Variants in MCM6 observed in about 807,000 individuals in gnomAD.
MCM6 encodes minichromosome maintenance complex component 6.
MCM6 carries 46 observed loss-of-function variants against 94.3 expected under a neutral mutation model. The ratio of observed to expected loss-of-function variants is 0.49; its 90% CI spans 0.39 to 0.62. MCM6 has a LOEUF of 0.62. Ranked by LOEUF, MCM6 falls within the 20% of genes least tolerant of loss-of-function variation. MCM6 has a pLI of 0.00. For missense variants in MCM6, 865 were observed against 1,017.9 expected, an observed-to-expected ratio of 0.85 and a Z score of 2.04; for synonymous variants, 335 against 351.9, an observed-to-expected ratio of 0.95 and a Z score of 0.54.
At chr2:135,850,219 GTCC>G (rs1259676496) in intron 13 of MCM6, among the ~76,000 whole-genome samples, 5 of 152,068 alleles carry the variant, frequency 3.3e-5, no homozygotes, top group African/African-American at 1.2e-4. Context: ...ACCTCCCTGA[GTCC>G]TCCTCCTTCT....
intron 8 of MCM6, among the ~76,000 whole-genome samples, chr2:135,860,824 C>T (rs1011048429): frequency 2.6e-5 from 4 of 152,156 alleles, no homozygotes; most frequent in African/African-American, 9.7e-5. Flanking sequence ...AGGAATAAGA[C>T]ATGGATGTCT....
chr2:135,854,529 CAAAAAAA>C lies in MCM6; in HGVS notation c.1627-1621_1627-1615del, dbSNP rs1181597035. Among the ~76,000 whole-genome samples, 47 of 49,974 alleles carry C rather than the reference CAAAAAAA, an allele frequency of 9.4e-4. 1 individual carries two copies. In the East Asian group the frequency reaches 0.012, roughly 13 times the overall value. The allele number at this position is 49,974 out of a possible 152,430, so 32.8% of individuals were successfully genotyped here. Reference sequence around the variant, plus strand: ...TGGGTAACAGAGCGAGACTCCATCTCAAAAAAAAAAAAAAAAAAAAAAGAGAAAAAGA... The same window carrying C: ...TGGGTAACAGAGCGAGACTCCATCTCAAAAAAAAAAAAAAAGAGAAAAAGA... On this transcript the variant is annotated intron_variant, in intron 11 of 16. Coordinates refer to ENST00000264156, the MANE Select transcript of MCM6 (RefSeq NM_005915.6).
chr2:135,846,247 C>T lies in MCM6; in HGVS notation c.2199G>A (p.Lys733=). Residue 733 remains lysine, a synonymous_variant, in exon 15 of 17, where the codon AAG becomes AAA. Transcript: ENST00000264156. ...ISNLIVLHLR[K]VEEEEDESAL... ...CCAGGTAAGCCTCACCTTCTTCCAC[C>T]TTTCTGAGGTGAAGCACAATAAGGT... is the stretch of plus-strand genomic sequence containing the variant. 6.2e-7 allele frequency: 1 copy of T among 1,613,996 alleles called. No homozygotes were observed. Among genetic ancestry groups the T allele is most frequent in the Non-Finnish European group, 8.5e-7 (1 of 1,179,944 alleles).
chr2:135,872,864 A>G, intron 1 of MCM6, 21 bp from the exon 2 acceptor site: 1 of 1,613,204 alleles, frequency 6.2e-7, no homozygotes, highest in Non-Finnish European at 8.5e-7. Context: ...ATTCGAGTCA[A>G]CTAGATTAAG....
chr2:135,866,424 T>C (rs1680096248), intron 5 of MCM6, 139 bp downstream of exon 5: 2 of 1,386,938 alleles, frequency 1.4e-6, no homozygotes, highest in South Asian at 1.4e-5. Context: ...GCAAAACCAA[T>C]TTGTTTTTAT....
intron 14 of MCM6, among the ~76,000 whole-genome samples, chr2:135,846,964 A>G (rs1679682711): frequency 6.6e-6 from 1 of 152,130 alleles, no homozygotes; most frequent in African/African-American, 2.4e-5. Context: ...AGATTGCACC[A>G]TTGTACTCCA....
chr2:135,843,096 C>T (rs569772518), intron 16 of MCM6, among the ~76,000 whole-genome samples: 1 of 152,246 alleles, frequency 6.6e-6, no homozygotes, highest in South Asian at 2.1e-4. Flanking sequence ...AAAATATACA[C>T]ACACTGAAGC....
In MCM6 at chr2:135,846,259, A is replaced by C; in HGVS notation, c.2187T>G (p.Leu729=). Residue 729 remains leucine (L), a synonymous_variant, in exon 15 of 17, where the codon CTT becomes CTG. Coordinates refer to ENST00000264156, the MANE Select transcript of MCM6 (RefSeq NM_005915.6). ...CACCTTCTTCCACCTTTCTGAGGTG[A>C]AGCACAATAAGGTTAGAGATTCGGC... ...EYCRISNLIV[L]HLRKVEEEED... 1 of 1,614,108 alleles carries C rather than the reference A, an allele frequency of 6.2e-7. No homozygotes were observed. Among genetic ancestry groups the C allele is most frequent in the Non-Finnish European group, 8.5e-7 (1 of 1,179,980 alleles).
intron 8 of MCM6, among the ~76,000 whole-genome samples, chr2:135,860,379 C>A (rs1310333829): frequency 6.6e-6 from 1 of 152,070 alleles, no homozygotes; most frequent in Non-Finnish European, 1.5e-5. Flanking sequence ...CATGATCCAC[C>A]CACCTCAGCC....
rs912462935 is a variant in MCM6 at position 135,840,203 on chromosome 2, A to G, written c.*632T>C. On this transcript the variant is annotated 3_prime_UTR_variant, in exon 17 of 17. Coordinates refer to ENST00000264156, the MANE Select transcript of MCM6 (RefSeq NM_005915.6). ...TACTAAAGAGTAATTTTAAAAAAGT[A>G]TAATAAACTTTTATAAACTTAAAAA... is the stretch of plus-strand genomic sequence containing the variant. 1 of 147,226 alleles carries G rather than the reference A, an allele frequency of 6.8e-6. No homozygotes were observed. Among genetic ancestry groups the G allele is most frequent in the Non-Finnish European group, 1.5e-5 (1 of 67,758 alleles). 9.1% of individuals were successfully genotyped at this position (147,226 alleles called of 1,614,324 possible).
At chr2:135,860,356 G>A (rs1420429094) in intron 8 of MCM6, among the ~76,000 whole-genome samples, 1 of 151,056 alleles carries the variant, frequency 6.6e-6, no homozygotes, top group Non-Finnish European at 1.5e-5. Context: ...GGACGGTCTC[G>A]ATCTCCTGAC....
chr2:135,853,689 G>A (rs1679816949), intron 11 of MCM6, among the ~76,000 whole-genome samples: 1 of 151,314 alleles, frequency 6.6e-6, no homozygotes, highest in Admixed American at 6.6e-5. Context: ...CAGAGACTGT[G>A]CTCTTAGCCA....
At chr2:135,844,321 A>G (rs1162037574) in intron 16 of MCM6, among the ~76,000 whole-genome samples, 1 of 152,116 alleles carries the variant, frequency 6.6e-6, no homozygotes, top group Non-Finnish European at 1.5e-5. Context: ...TAAGACTTCA[A>G]TCCCACCTTC....
intron 16 of MCM6, 50 bp from the exon 17 acceptor site, chr2:135,841,001 T>C (rs576007947): frequency 1.2e-5 from 15 of 1,298,050 alleles, no homozygotes; most frequent in East Asian, 2.3e-5. Context: ...ATTATACCAA[T>C]GTCCAGATAT....
At chr2:135,862,856 C>CT in intron 7 of MCM6, 108 bp from the exon 8 acceptor site, 2 of 1,188,702 alleles carry the variant, frequency 1.7e-6, no homozygotes, top group African/African-American at 3.1e-5. Context: ...GCAGAGTCAG[C>CT]TAAAGCAAAG....
chr2:135,874,540 CATT>C (rs1464178177), intron 1 of MCM6, among the ~76,000 whole-genome samples: 2 of 152,158 alleles, frequency 1.3e-5, no homozygotes, highest in African/African-American at 2.4e-5. Flanking sequence ...GAATGAACCT[CATT>C]ATTCACAATA....
intron 3 of MCM6, among the ~76,000 whole-genome samples, 182 bp from the exon 4 acceptor site, chr2:135,869,042 G>A (rs147401455): frequency 3.3e-5 from 5 of 151,984 alleles, no homozygotes; most frequent in Admixed American, 2.0e-4. Flanking sequence ...ATTATATGAC[G>A]TATATGTATC....
At position 135,868,686 on chromosome 2, in the gene MCM6, G is replaced by A. The variant is rs753732528; in HGVS notation, c.540C>T (p.Cys180=). The change falls in exon 4 of 17, where the codon TGC becomes TGT. Residue 180 remains cysteine (C), a synonymous_variant. Transcript: ENST00000264156. The stretch of plus-strand genomic sequence containing the variant: ...TCCTGTTGGCACAAACTGGATTTCG[G>A]CAGATGTTTGGCTGTGTGTATTTGA... ...QQFKYTQPNI[C]RNPVCANRRR... The A allele has an allele frequency of 2.5e-6, 4 of 1,614,088 alleles. No individual in the cohort carries two copies. In the South Asian group the frequency reaches 4.4e-5, roughly 18 times the overall value.
chr2:135,865,553 G>A (rs1156684087), intron 6 of MCM6, among the ~76,000 whole-genome samples: 1 of 149,370 alleles, frequency 6.7e-6, no homozygotes, highest in Admixed American at 6.6e-5. Flanking sequence ...TACTGCCAGG[G>A]GTTCATCATT....
Sources: allele counts gnomAD v4.1 joint callset (sites outside exome capture counted in the v4.1 genomes callset), GRCh38; gene constraint gnomAD v4.1.1; transcripts MANE v1.5; gene names NCBI Gene and HGNC (gene_info 2026-07-23, HGNC 2026-07-21).